BCR: variants seen among roughly 807,000 people sequenced by gnomAD.
BCR encodes the protein BCR activator of RhoGEF and GTPase, also known as breakpoint cluster region protein.
In BCR, 58 loss-of-function variants were observed where a neutral mutation model predicts 138.6. The ratio of observed to expected loss-of-function variants is 0.42; its 90% confidence interval spans 0.34 to 0.52. The LOEUF is 0.52. BCR is among the 20% of genes least tolerant of loss of function. BCR has a pLI of 0.06. For missense variants in BCR, 1,599 were observed against 1,727.2 expected, an observed-to-expected ratio of 0.93 and a Z score of 1.32; for synonymous variants, 786 against 730.1, an observed-to-expected ratio of 1.08 and a Z score of -1.23.
Position 23,181,501 on chromosome 22 carries a change from G to C in BCR, c.541G>C (p.Glu181Gln). ...CGAGAAGCCCTTCTACGTGAACGTC[G>C]AGTTTCACCACGAGCGCGGCCTGGT... ...DAEKPFYVNVEFHHERGLVKV... is the reference protein window; with the variant it reads ...DAEKPFYVNVQFHHERGLVKV... Residue 181 changes from glutamate to glutamine, a missense_variant, in exon 1 of 23, where the codon GAG becomes CAG. Physicochemically the swap from Glu to Gln is conservative, Grantham distance 29 (BLOSUM62 2). Transcript: ENST00000305877. The C allele has an allele frequency of 1.2e-6, 2 of 1,612,220 alleles. No homozygotes were observed. Among genetic ancestry groups the C allele is most frequent in the Non-Finnish European group, 1.7e-6 (2 of 1,179,394 alleles).
At chr22:23,283,926 C>T (rs2073679223) in intron 8 of BCR, 51 bp from the exon 9 acceptor site, 2 of 1,519,448 alleles carry the variant, frequency 1.3e-6, no homozygotes, top group Non-Finnish European at 8.8e-7. Context: ...CGAACACCCC[C>T]CACCCATCAC....
chr22:23,242,745 GTGTCC>G (rs2073108042), intron 1 of BCR: 4 of 392,938 alleles, frequency 1.0e-5, no homozygotes, highest in South Asian at 7.6e-5. Flanking sequence ...CCATGTCTTA[GTGTCC>G]TGTGGCTTCC....
chr22:23,215,816 C>G (rs778142359), intron 1 of BCR, among the ~76,000 whole-genome samples: 43 of 152,170 alleles, frequency 2.8e-4, no homozygotes, highest in Admixed American at 7.2e-4. Context: ...AGCTCAGGAA[C>G]TGAAGTTAGA....
chr22:23,284,897 A>C (rs2073692891), intron 9 of BCR, 136 bp from the exon 10 acceptor site: 1 of 952,088 alleles, frequency 1.1e-6, no homozygotes, highest in African/African-American at 1.6e-5. Context: ...AGTCTGTCCC[A>C]TGGAACACGT....
At chr22:23,282,597 C>A (rs1303593743) in intron 8 of BCR, among the ~76,000 whole-genome samples, 4 of 152,214 alleles carry the variant, frequency 2.6e-5, no homozygotes, top group Non-Finnish European at 5.9e-5. Flanking sequence ...GAGACCGAGG[C>A]TCCCCGAGAA....
At position 23,182,231 on chromosome 22, in the gene BCR, G is replaced by C. The variant is rs781046421; in HGVS notation, c.1271G>C (p.Gly424Ala). Residue 424 changes from glycine (G) to alanine (A), a missense_variant, in exon 1 of 23, where the codon GGA becomes GCA. Around this residue, in one of 4 missense-constraint regions of BCR, gnomAD observed 806 missense variants for 635.0 expected, o/e 1.27. Transcript: ENST00000305877. The stretch of plus-strand genomic sequence containing the variant: ...AACGATGGCGAGGGCGCCTTCCATG[G>C]AGACGCAGGTGAGTTCCTCACGCCA... The part of the protein sequence containing the change: ...WPNDGEGAFH[G>A]DADGSFGTPP... The C allele has an allele frequency of 6.4e-6, 10 of 1,568,636 alleles. No homozygotes were observed. The highest frequency in any genetic ancestry group is 8.6e-6 in the Non-Finnish European group (10 of 1,160,894).
At chr22:23,268,037 C>T (rs992499016) in intron 4 of BCR, among the ~76,000 whole-genome samples, 1 of 152,216 alleles carries the variant, frequency 6.6e-6, no homozygotes, top group African/African-American at 2.4e-5. Context: ...TACACTCTTG[C>T]AGCCAGAATG....
At chr22:23,235,208 C>G (rs1357726855) in intron 1 of BCR, among the ~76,000 whole-genome samples, 1 of 144,234 alleles carries the variant, frequency 6.9e-6, no homozygotes, top group Non-Finnish European at 1.6e-5. Flanking sequence ...CTGCCTCAGC[C>G]TCCCAAGTAG....
At chr22:23,224,569 G>T (rs1487941779) in intron 1 of BCR, among the ~76,000 whole-genome samples, 1 of 152,198 alleles carries the variant, frequency 6.6e-6, no homozygotes, top group East Asian at 1.9e-4. Context: ...CTCCTCAAAG[G>T]AGGAAAGACA....
chr22:23,268,366 C>T lies in BCR; in HGVS notation c.1753-42C>T, dbSNP rs546893083. ...CCTGCTCTTCAGAAAGATGGGGGAG[C>T]AGCAGCACCTGTCCCACTCTCTCTT... is the stretch of plus-strand genomic sequence containing the variant. On this transcript the variant is annotated intron_variant, in intron 4 of 22. Transcript: ENST00000305877. 76 of 1,482,360 alleles carry T rather than the reference C, an allele frequency of 5.1e-5. No homozygotes were observed. The South Asian group carries it at 8.2e-4, about 16-fold the overall frequency. 91.8% of individuals were successfully genotyped at this position (1,482,360 alleles called of 1,614,324 possible).
chr22:23,269,614 G>C (rs2073486000), intron 5 of BCR, among the ~76,000 whole-genome samples: 2 of 152,190 alleles, frequency 1.3e-5, no homozygotes, highest in Non-Finnish European at 2.9e-5. Context: ...AGTCTGTGGG[G>C]CACCCTGCTC....
At chr22:23,298,731 T>G (rs974269208) in intron 16 of BCR, among the ~76,000 whole-genome samples, 1 of 152,048 alleles carries the variant, frequency 6.6e-6, no homozygotes, top group Non-Finnish European at 1.5e-5. Context: ...GAATAGCTGT[T>G]ATTACAGGCA....
chr22:23,302,646 A>C (rs939382104), intron 16 of BCR: 1 of 152,312 alleles, frequency 6.6e-6, no homozygotes, highest in Non-Finnish European at 1.5e-5. Flanking sequence ...CCCTGTGCAG[A>C]AAACAGTGTC....
chr22:23,224,190 G>A (rs2072862277), intron 1 of BCR, among the ~76,000 whole-genome samples: 1 of 152,198 alleles, frequency 6.6e-6, no homozygotes, highest in Non-Finnish European at 1.5e-5. Context: ...CTGATCCCCA[G>A]GGCTCTCCTG....
At chr22:23,196,554 C>T (rs1044558433) in intron 1 of BCR, among the ~76,000 whole-genome samples, 1 of 152,112 alleles carries the variant, frequency 6.6e-6, no homozygotes, top group Non-Finnish European at 1.5e-5. Flanking sequence ...CCAGGATTCC[C>T]TTGGGCAGCA....
intron 1 of BCR, among the ~76,000 whole-genome samples, chr22:23,217,556 T>C (rs1023108329): frequency 6.6e-6 from 1 of 152,172 alleles, no homozygotes; most frequent in Non-Finnish European, 1.5e-5. Flanking sequence ...ACCATACTTA[T>C]GTAGGATTAG....
At position 23,260,682 on chromosome 22, in the gene BCR, G is replaced by A. The variant is rs116240847; in HGVS notation, c.1462-268G>A. 2.1e-3 allele frequency among the ~76,000 whole-genome samples: 326 copies of A among 152,340 alleles called. 1 individual carries two copies. Among genetic ancestry groups the A allele is most frequent in the African/African-American group, 7.3e-3 (304 of 41,574 alleles). ...AGGGAGGCCTGGCCCAGCCTGCTCC[G>A]CACCAAACTCTGTTTCGTGGTCTGG... is the stretch of plus-strand genomic sequence containing the variant. On this transcript the variant is annotated intron_variant, in intron 2 of 22. Transcript: ENST00000305877.
intron 1 of BCR, among the ~76,000 whole-genome samples, chr22:23,209,881 T>C (rs1348933387): frequency 6.6e-6 from 1 of 152,176 alleles, no homozygotes; most frequent in Non-Finnish European, 1.5e-5. Context: ...CCTCCTGCCT[T>C]AGCCCCCTGA....
At chr22:23,261,323 A>T (rs779238844) in intron 3 of BCR, 32 bp from the exon 4 acceptor site, 1 of 1,597,910 alleles carries the variant, frequency 6.3e-7, no homozygotes, top group Non-Finnish European at 8.5e-7. Context: ...AGCCCCTCTC[A>T]CCTGTGCTAC....
Sources: allele counts gnomAD v4.1 joint callset (sites outside exome capture counted in the v4.1 genomes callset), GRCh38; gene constraint gnomAD v4.1.1; regional missense constraint gnomAD v4.1.1; transcripts MANE v1.5; gene names NCBI Gene and HGNC (gene_info 2026-07-23, HGNC 2026-07-21).